Variants in SYT2 observed in about 807,000 individuals in gnomAD.
The protein encoded by SYT2 is synaptotagmin-2.
Under a neutral mutation model 39.9 loss-of-function variants are expected in SYT2, and 15 were observed. That is an observed-to-expected ratio of 0.38 (90% CI 0.25 to 0.58). The LOEUF (loss-of-function observed/expected upper bound fraction) is 0.58, where lower values mean the gene tolerates loss of function less well. SYT2 is among the 20% of genes least tolerant of loss of function. The probability of loss-of-function intolerance (pLI) is 0.70; values close to 1 mark genes in which losing one functional copy is unlikely to be tolerated. For missense variants in SYT2, 389 were observed against 530.3 expected (o/e 0.73, Z 2.62); for synonymous variants, 181 against 204.5 (o/e 0.89, Z 0.98).
intron 1 of SYT2, among the ~76,000 whole-genome samples, chr1:202,629,880 G>GA (rs1691527496): frequency 7.7e-6 from 1 of 130,148 alleles, no homozygotes; most frequent in East Asian, 2.3e-4. Context: ...GGGGGGGGGG[G>GA]TGGTACGGCA....
At chr1:202,664,492 C>G (rs148767742) in intron 1 of SYT2, among the ~76,000 whole-genome samples, 7 of 152,174 alleles carry the variant, frequency 4.6e-5, no homozygotes, top group Non-Finnish European at 8.8e-5. Context: ...ATATACAGCA[C>G]GTTTCCATCA....
rs553436006 is a variant in SYT2, at chr1:202,593,405, C to T, written c.*3352G>A. Reference sequence around the variant, plus strand: ...TTTACCCACAGGAGGGCTGTAGTGACCTCTCTTCTCCCTCTCGCTGAAGCC... The same window carrying T: ...TTTACCCACAGGAGGGCTGTAGTGATCTCTCTTCTCCCTCTCGCTGAAGCC... On this transcript the variant is annotated 3_prime_UTR_variant, in exon 9 of 9. Coordinates refer to ENST00000367268, the MANE Select transcript of SYT2 (RefSeq NM_177402.5). 2.0e-5 allele frequency: 3 copies of T among 152,284 alleles called. No individual in the cohort carries two copies. The highest frequency in any genetic ancestry group is 6.5e-5 in the Admixed American group (1 of 15,296). The allele number at this position is 152,284 out of a possible 1,614,324, so 9.4% of individuals were successfully genotyped here. A position where few individuals can be genotyped will look rare whatever the true frequency, so the allele number is the denominator to read the frequency against.
Position 202,596,951 on chromosome 1 carries a change from C to G in SYT2, c.1066G>C (p.Val356Leu). 1 of 1,613,404 alleles carries G rather than the reference C, an allele frequency of 6.2e-7. No homozygotes were observed. The highest frequency in any genetic ancestry group is 8.5e-7 in the Non-Finnish European group (1 of 1,179,420). ...PFEQIQKVQV[V>L]VTVLDYDKLG... Reference sequence around the variant, plus strand: ...TTGTCATAGTCCAGCACGGTGACCACTACCTGGACTTTCTGCAAGGAAAAC... The same window carrying G: ...TTGTCATAGTCCAGCACGGTGACCAGTACCTGGACTTTCTGCAAGGAAAAC... Residue 356 changes from valine to leucine, a missense_variant, in exon 9 of 9, where the codon GTG becomes CTG. Physicochemically the swap from Val to Leu is conservative, Grantham distance 32. This residue lies in a region of SYT2 where 84 missense variants were observed against 123.1 expected (regional missense o/e 0.68). Coordinates refer to ENST00000367268, the MANE Select transcript of SYT2 (RefSeq NM_177402.5).
intron 1 of SYT2, among the ~76,000 whole-genome samples, chr1:202,704,536 C>A (rs1391378509): frequency 6.6e-6 from 1 of 152,122 alleles, no homozygotes; most frequent in Non-Finnish European, 1.5e-5. Flanking sequence ...GGCTGTGAGT[C>A]CCATAGGGAT....
intron 1 of SYT2, chr1:202,627,567 G>A (rs1214652919): frequency 1.0e-6 from 1 of 985,128 alleles, no homozygotes; most frequent in Admixed American, 6.2e-5. Context: ...CAGGCCCATG[G>A]CTCCCCATGG....
chr1:202,620,956 G>A (rs1261403730), intron 1 of SYT2, among the ~76,000 whole-genome samples: 1 of 152,170 alleles, frequency 6.6e-6, no homozygotes, highest in East Asian at 1.9e-4. Flanking sequence ...TGATCTCCAA[G>A]GGAGATAGTG....
rs946617738 is a variant in SYT2, at chr1:202,666,131, C to T, written c.-18+44127G>A. Among the ~76,000 whole-genome samples, 21 of 131,800 alleles carry T rather than the reference C, an allele frequency of 1.6e-4. No homozygotes were observed. The East Asian group carries it at 3.4e-3, about 21-fold the overall frequency. 86.5% of individuals were successfully genotyped at this position (131,800 alleles called of 152,430 possible). A position where few individuals can be genotyped will look rare whatever the true frequency, so the allele number is the denominator to read the frequency against. On this transcript the variant is annotated intron_variant, in intron 1 of 8. Transcript: ENST00000367268. ...TCGTGCCACTGCACTCCAGCCTGGG[C>T]GACAGAGCGAGACTCCGTCTCAAAA...
intron 1 of SYT2, among the ~76,000 whole-genome samples, chr1:202,698,069 G>A (rs115367844): frequency 0.027 from 4,076 of 151,876 alleles, 75 homozygotes; most frequent in South Asian, 0.058. Flanking sequence ...CGGTTCCTGC[G>A]TTAGCTGGAT....
intron 1 of SYT2, among the ~76,000 whole-genome samples, chr1:202,652,137 A>G (rs1324228662): frequency 1.3e-5 from 2 of 152,218 alleles, no homozygotes; most frequent in East Asian, 3.8e-4. Flanking sequence ...TTCCCTCTGC[A>G]GAGAGTTGGT....
Position 202,597,043 on chromosome 1 carries a change from C to T in SYT2, c.1054-80G>A, listed in dbSNP as rs1690324155. 2.3e-6 allele frequency: 3 copies of T among 1,288,274 alleles called. No individual in the cohort carries two copies. In the Admixed American group the frequency reaches 5.5e-5, roughly 24 times the overall value. 79.8% of individuals were successfully genotyped at this position (1,288,274 alleles called of 1,614,324 possible). On this transcript the variant is annotated intron_variant, in intron 8 of 8. Coordinates refer to ENST00000367268, the MANE Select transcript of SYT2 (RefSeq NM_177402.5). ...CAAATTTATCCTCCATCAACCTCTA[C>T]TCCCAATGATTGGGAAGGTAAGGCC...
chr1:202,701,414 AAGC>A (rs1654117994), intron 1 of SYT2, among the ~76,000 whole-genome samples: 2 of 152,330 alleles, frequency 1.3e-5, no homozygotes, highest in South Asian at 2.1e-4. Context: ...TTTCTGTAAG[AAGC>A]AGAAGTGCTT....
chr1:202,642,854 G>A (rs541200947), intron 1 of SYT2, among the ~76,000 whole-genome samples: 11 of 152,210 alleles, frequency 7.2e-5, no homozygotes, highest in African/African-American at 2.4e-4. Context: ...ACCTCCCCGC[G>A]CCCTTCCCAC....
chr1:202,621,058 C>A (rs928569809), intron 1 of SYT2, among the ~76,000 whole-genome samples: 1 of 152,150 alleles, frequency 6.6e-6, no homozygotes, highest in Non-Finnish European at 1.5e-5. Context: ...ATATTCACAG[C>A]ACGGCTCTGG....
intron 1 of SYT2, among the ~76,000 whole-genome samples, chr1:202,624,748 GGTGTGTGGTGTGTGTGT>G (rs1691316621): frequency 9.1e-6 from 1 of 110,120 alleles, no homozygotes; most frequent in African/African-American, 3.2e-5. Context: ...CATGTAGTAG[GGTGTGTGGTGTGTGTGT>G]GGTGTGTGGT....
chr1:202,620,737 T>C lies in SYT2; in HGVS notation c.-17-14948A>G, dbSNP rs188102778. 1.8e-3 allele frequency among the ~76,000 whole-genome samples: 277 copies of C among 152,200 alleles called. 3 individuals carry two copies. The highest frequency in any genetic ancestry group is 6.4e-3 in the African/African-American group (266 of 41,520). On this transcript the variant is annotated intron_variant, in intron 1 of 8. Transcript: ENST00000367268. ...GTACCTAAACTAAAGGGAGACTTGA[T>C]TGACAATCAAGTTGAGTAGGAGGGA...
intron 1 of SYT2, among the ~76,000 whole-genome samples, chr1:202,644,497 C>G (rs1198286550): frequency 6.6e-6 from 1 of 152,098 alleles, no homozygotes; most frequent in Non-Finnish European, 1.5e-5. Context: ...GGCCACAGCT[C>G]GCCAGGTGGA....
At chr1:202,687,848 T>G (rs1006241650) in intron 1 of SYT2, among the ~76,000 whole-genome samples, 2 of 152,178 alleles carry the variant, frequency 1.3e-5, no homozygotes, top group Non-Finnish European at 2.9e-5. Context: ...AAAGCCACCC[T>G]TTTTCTCCTC....
chr1:202,628,755 A>T lies in SYT2; in HGVS notation c.-17-22966T>A, dbSNP rs1020517817. Reference sequence around the variant, plus strand: ...TTGGAAAGCCTCAACTTGGAATTCTATGTGGATCCAAACCTAGAAGACAGC... The same window carrying T: ...TTGGAAAGCCTCAACTTGGAATTCTTTGTGGATCCAAACCTAGAAGACAGC... On this transcript the variant is annotated intron_variant, in intron 1 of 8. Coordinates refer to ENST00000367268, the MANE Select transcript of SYT2 (RefSeq NM_177402.5). This position sits in a 1 kb window ranked among gnomAD's most constrained non-coding sequence, Gnocchi z 4.2. Among the ~76,000 whole-genome samples the T allele has an allele frequency of 2.6e-5, 4 of 152,220 alleles. No individual in the cohort carries two copies. Among genetic ancestry groups the T allele is most frequent in the African/African-American group, 7.2e-5 (3 of 41,466 alleles).
At chr1:202,670,241 G>A (rs923260953) in intron 1 of SYT2, among the ~76,000 whole-genome samples, 13 of 152,308 alleles carry the variant, frequency 8.5e-5, no homozygotes, top group Admixed American at 6.5e-4. Context: ...GGAGCACTGG[G>A]AACAGACAGA....
Sources: gnomAD v4.1 joint callset for allele counts (sites outside exome capture counted in the v4.1 genomes callset) on GRCh38, gnomAD v4.1.1 for gene constraint, gnomAD v4.1.1 regional missense constraint, Gnocchi (gnomAD v3.1) non-coding constraint, MANE v1.5 for transcripts, NCBI Gene and HGNC (gene_info 2026-07-23, HGNC 2026-07-21) for gene names.